PAK3: variants seen among roughly 807,000 people sequenced by gnomAD.
PAK3 encodes the protein serine/threonine-protein kinase PAK 3.
PAK3 carries 4 observed loss-of-function variants against 41.0 expected under a neutral mutation model. The observed-to-expected ratio is 0.10, with a 90% CI of 0.05 to 0.22. The LOEUF (loss-of-function observed/expected upper bound fraction) is 0.22. Ranked by LOEUF, PAK3 falls within the 10% of genes least tolerant of loss-of-function variation. The pLI is 1.00. For synonymous variants in PAK3, 146 were observed against 139.6 expected, an observed-to-expected ratio of 1.05 and a Z score of -0.32; for missense variants, 205 against 409.9, an observed-to-expected ratio of 0.50 and a Z score of 4.32.
At chrX:111,000,662 T>G (rs1341179855) in intron 1 of PAK3, among the ~76,000 whole-genome samples, 1 of 112,008 alleles carries the variant, frequency 8.9e-6, no homozygotes. Flanking sequence ...AATCTTAGTA[T>G]TATTATGTTA....
At chrX:111,030,732 T>C (rs1215949449) in intron 1 of PAK3, among the ~76,000 whole-genome samples, 1 of 111,250 alleles carries the variant, frequency 9.0e-6, no homozygotes, top group African/African-American at 3.3e-5. Context: ...TGTTTCCTGA[T>C]TGTTTTTGAA....
intron 1 of PAK3, among the ~76,000 whole-genome samples, chrX:110,967,481 T>TGCAG (rs772392703): frequency 4.2e-4 from 47 of 111,282 alleles, no homozygotes; most frequent in African/African-American, 1.4e-3. Flanking sequence ...GCTTAATGAT[T>TGCAG]GCAGGGGCCT....
At chrX:110,994,430 T>A (rs5943104) in intron 1 of PAK3, among the ~76,000 whole-genome samples, 57 of 109,992 alleles carry the variant, frequency 5.2e-4, no homozygotes, top group African/African-American at 1.7e-3. Context: ...GGACAGACAG[T>A]CTTGATAGGA....
chrX:111,021,890 G>A (rs1435928345), intron 1 of PAK3, among the ~76,000 whole-genome samples: 2 of 110,441 alleles, frequency 1.8e-5, no homozygotes, highest in Non-Finnish European at 3.8e-5. Context: ...GCACTGGAAA[G>A]TCTCAGTAAT....
rs767533324 is a variant in PAK3, at chrX:111,002,021, T to A, written c.-28+57393T>A. 4.5e-5 allele frequency among the ~76,000 whole-genome samples: 5 copies of A among 111,552 alleles called. No homozygotes were observed. The South Asian group carries it at 1.5e-3, about 34-fold the overall frequency. ...CATAAGGTATTACTATAATAATAAT[T>A]ATTATTATGTACTATGATGAGGTTT... On this transcript the variant is annotated intron_variant, in intron 1 of 14. Transcript: ENST00000425146.
At chrX:111,206,800 G>T (rs761484330) in intron 16 of PAK3, among the ~76,000 whole-genome samples, 1 of 110,907 alleles carries the variant, frequency 9.0e-6, no homozygotes, top group South Asian at 3.8e-4. Flanking sequence ...TGTATATTTG[G>T]CCCTCATTAC....
In PAK3 at chrX:111,137,781, G is replaced by T. The variant is rs147850247; in HGVS notation, c.176-4315G>T. Among the ~76,000 whole-genome samples the T allele has an allele frequency of 8.0e-3, 888 of 111,503 alleles. 10 individuals are homozygous for T. Among genetic ancestry groups the T allele is most frequent in the Non-Finnish European group, 0.012 (631 of 53,034 alleles). ...ATGCTGTTTGCAGTTTGTGGTCCAGGCAGCAATTTGTAGCCTTGTTCTGAG... is the reference window on the plus strand; with the variant it reads ...ATGCTGTTTGCAGTTTGTGGTCCAGTCAGCAATTTGTAGCCTTGTTCTGAG... On this transcript the variant is annotated intron_variant, in intron 5 of 17. Transcript: ENST00000372007.
chrX:111,154,071 A>G (rs2094069207), intron 8 of PAK3, among the ~76,000 whole-genome samples: 1 of 112,099 alleles, frequency 8.9e-6, no homozygotes, highest in Non-Finnish European at 1.9e-5. Context: ...GATTCCACGT[A>G]TGTGAGGTAC....
At chrX:111,123,433 TG>T in intron 5 of PAK3, 155 bp downstream of exon 5, 1 of 125,621 alleles carries the variant, frequency 8.0e-6, no homozygotes, top group Non-Finnish European at 1.6e-5. Flanking sequence ...CAGAGAATAA[TG>T]TTTGATTGAT....
chrX:111,031,255 G>T (rs940970927), intron 1 of PAK3, among the ~76,000 whole-genome samples: 4 of 111,598 alleles, frequency 3.6e-5, no homozygotes, highest in African/African-American at 9.8e-5. Flanking sequence ...AGAGAGCTAG[G>T]CAAGTCTAGA....
chrX:111,167,842 C>T (rs2094281619), intron 10 of PAK3, among the ~76,000 whole-genome samples: 1 of 110,733 alleles, frequency 9.0e-6, no homozygotes, highest in African/African-American at 3.3e-5. Flanking sequence ...ACTGCACGTT[C>T]TGCACATGTA....
At chrX:111,218,662 AGG>A (rs1312881844) in intron 17 of PAK3, among the ~76,000 whole-genome samples, 7 of 111,617 alleles carry the variant, frequency 6.3e-5, no homozygotes, top group South Asian at 7.6e-4. Flanking sequence ...AAGAAGCTGC[AGG>A]GGATAATCCT....
intron 1 of PAK3, among the ~76,000 whole-genome samples, chrX:111,009,050 A>G (rs908753485): frequency 9.0e-6 from 1 of 111,197 alleles, no homozygotes; most frequent in Non-Finnish European, 1.9e-5. Context: ...TAAAATTCAT[A>G]TAACAGAAAA....
chrX:111,003,943 A>T (rs1329708183), intron 1 of PAK3, among the ~76,000 whole-genome samples: 1 of 112,369 alleles, frequency 8.9e-6, no homozygotes, highest in Non-Finnish European at 1.9e-5. Context: ...ATTATTGAAC[A>T]TCTCTTGGCC....
At chrX:111,072,158 G>A (rs1460226611) in intron 1 of PAK3, among the ~76,000 whole-genome samples, 2 of 112,260 alleles carry the variant, frequency 1.8e-5, no homozygotes, top group Non-Finnish European at 3.8e-5. Flanking sequence ...CTAGCTCTAT[G>A]TCCTTGGCCA....
At chrX:111,167,090 A>T (rs891128613) in intron 10 of PAK3, among the ~76,000 whole-genome samples, 1 of 111,602 alleles carries the variant, frequency 9.0e-6, no homozygotes, top group Non-Finnish European at 1.9e-5. Flanking sequence ...GTAATATAAA[A>T]TTGTTATTAT....
At chrX:111,196,951 G>C (rs1325297594) in intron 16 of PAK3, among the ~76,000 whole-genome samples, 15 of 104,934 alleles carry the variant, frequency 1.4e-4, no homozygotes, top group African/African-American at 4.5e-4. Context: ...TTAGGTGCAG[G>C]GGGTACATAC....
At chrX:111,025,684 A>G (rs1251167991) in intron 1 of PAK3, among the ~76,000 whole-genome samples, 2 of 111,025 alleles carry the variant, frequency 1.8e-5, no homozygotes, top group Non-Finnish European at 3.8e-5. Flanking sequence ...CCAGGACCCA[A>G]CGGATTCACA....
intron 5 of PAK3, 107 bp downstream of exon 5, chrX:111,123,385 G>A (rs1037164120): frequency 1.2e-5 from 8 of 646,512 alleles, no homozygotes; most frequent in East Asian, 1.0e-4. Context: ...AGGGCCTGCC[G>A]GCCCTTTACA....
Sources: allele counts gnomAD v4.1 joint callset (sites outside exome capture counted in the v4.1 genomes callset), GRCh38; gene constraint gnomAD v4.1.1; transcripts MANE v1.5; gene names NCBI Gene and HGNC (gene_info 2026-07-23, HGNC 2026-07-21).